SLC26A6: variants seen among roughly 807,000 people sequenced by gnomAD.
The protein encoded by SLC26A6 is solute carrier family 26 member 6, also known as anion exchange transporter.
SLC26A6 carries 67 observed loss-of-function variants against 87.1 expected under a neutral mutation model. That is an observed-to-expected ratio of 0.77 (90% CI 0.63 to 0.94). SLC26A6 has a LOEUF of 0.94. Ranked by LOEUF, SLC26A6 falls within the 40% of genes least tolerant of loss-of-function variation. SLC26A6 has a pLI of 0.00. For synonymous variants in SLC26A6, 414 were observed against 405.9 expected, an observed-to-expected ratio of 1.02 and a Z score of -0.24; for missense variants, 902 against 973.0, an observed-to-expected ratio of 0.93 and a Z score of 0.97.
At position 48,633,325 on chromosome 3, in the gene SLC26A6, C is replaced by A. The variant is rs770726528; in HGVS notation, c.248G>T (p.Arg83Leu). ...CAGGAGCCAGTCACGCACAGGATACCGGGGTAACCAGACCAAAACCGGGAG... is the reference window on the plus strand; with the variant it reads ...CAGGAGCCAGTCACGCACAGGATACAGGGGTAACCAGACCAAAACCGGGAG... ...QHLPVLVWLP[R>L]YPVRDWLLGD... The change falls in exon 3 of 21, where the codon CGG (arginine) becomes CTG (leucine). Residue 83 changes from arginine to leucine, a missense_variant. By Grantham distance (102) the Arg-to-Leu change is moderately radical. Around this residue, in one of 3 missense-constraint regions of SLC26A6, gnomAD observed 800 missense variants for 856.8 expected, o/e 0.93. Coordinates refer to ENST00000395550, the MANE Select transcript of SLC26A6 (RefSeq NM_022911.3). The A allele has an allele frequency of 3.1e-6, 5 of 1,613,598 alleles. No homozygotes were observed. The South Asian group carries it at 5.5e-5, about 18-fold the overall frequency.
rs529103799 is a variant in SLC26A6 at position 48,633,654 on chromosome 3, A to C, written c.24-19T>G. The stretch of plus-strand genomic sequence containing the variant: ...CCTCGGTCTGGGGTGGCAAGACCAG[A>C]GAGACACAGTGAAGGCATCCCTGGC... On this transcript the variant is annotated intron_variant, in intron 1 of 20. Coordinates refer to ENST00000395550, the MANE Select transcript of SLC26A6 (RefSeq NM_022911.3). The C allele has an allele frequency of 6.2e-7, 1 of 1,612,180 alleles. No individual in the cohort carries two copies. The highest frequency in any genetic ancestry group is 2.2e-5 in the East Asian group (1 of 44,874).
rs535959727 is a variant in SLC26A6, at chr3:48,630,072, C to T, written c.1412G>A (p.Arg471Gln). ...SDMRSLWKAN[R>Q]ADLLIWLVTF... ...TCCCAGTGCACTCACCAGATCCGCC[C>T]GATTGGCCTTCCAGAGGGAGCGCAT... The change falls in exon 12 of 21, where the codon CGG becomes CAG. Residue 471 changes from arginine to glutamine, a missense_variant. Arg to Gln is a conservative substitution (Grantham distance 43, BLOSUM62 1). Transcript: ENST00000395550. 669 of 1,612,316 alleles carry T rather than the reference C, an allele frequency of 4.1e-4. 6 individuals are homozygous for T. In the South Asian group the frequency reaches 5.6e-3, roughly 14 times the overall value.
intron 17 of SLC26A6, 45 bp from the exon 18 acceptor site, chr3:48,627,100 A>C (rs761178677): frequency 3.1e-6 from 5 of 1,589,926 alleles, no homozygotes; most frequent in Non-Finnish European, 3.4e-6. Context: ...GAGAGAGTGA[A>C]GGCAGGACTG....
At chr3:48,626,110 T>C (rs2046613368) in intron 20 of SLC26A6, 108 bp downstream of exon 20, 2 of 1,611,054 alleles carry the variant, frequency 1.2e-6, no homozygotes, top group Non-Finnish European at 1.7e-6. Context: ...CTGGGCCCAC[T>C]GGGGACAGAG....
Position 48,628,276 on chromosome 3 carries a change from G to C in SLC26A6, c.1800+158C>G. 4.1e-6 allele frequency: 4 copies of C among 980,540 alleles called. No individual in the cohort carries two copies. The highest frequency in any genetic ancestry group is 6.0e-6 in the Non-Finnish European group (4 of 662,572). The allele number at this position is 980,540 out of a possible 1,614,324, so 60.7% of individuals were successfully genotyped here. On this transcript the variant is annotated intron_variant, in intron 16 of 20. Coordinates refer to ENST00000395550, the MANE Select transcript of SLC26A6 (RefSeq NM_022911.3). The surrounding 1 kb of genome is among the most constrained non-coding windows in gnomAD (Gnocchi z 4.4). ...GGAGAGAAAATGCTGCCTAGAGCCC[G>C]GACCTGCTAGGGGAGTGAAGCAGGG...
intron 18 of SLC26A6, 60 bp downstream of exon 18, chr3:48,626,816 A>G: frequency 6.2e-7 from 1 of 1,605,360 alleles, no homozygotes; most frequent in Non-Finnish European, 8.5e-7. Context: ...GAGTGCTCTC[A>G]GGGCAAATTA....
chr3:48,627,038 A>C lies in SLC26A6; in HGVS notation c.1911T>G (p.Asp637Glu). The change falls in exon 18 of 21, where the codon GAT (aspartate) becomes GAG (glutamate). Residue 637 changes from aspartate (D) to glutamate (E), a missense_variant. Coordinates refer to ENST00000395550, the MANE Select transcript of SLC26A6 (RefSeq NM_022911.3). ...CATTGGCTGTTGCATCTTCCATCTTATCTCCTGAGCTCACCTGCTGGGGAG... is the reference window on the plus strand; with the variant it reads ...CATTGGCTGTTGCATCTTCCATCTTCTCTCCTGAGCTCACCTGCTGGGGAG... ...DCKMMQVSSG[D>E]KMEDATANGQ... The C allele has an allele frequency of 6.2e-7, 1 of 1,613,948 alleles. No homozygotes were observed. The highest frequency in any genetic ancestry group is 8.5e-7 in the Non-Finnish European group (1 of 1,179,914).
chr3:48,632,473 G>A (rs2046832742), intron 4 of SLC26A6, 77 bp from the exon 5 acceptor site: 3 of 1,529,944 alleles, frequency 2.0e-6, no homozygotes, highest in Non-Finnish European at 2.7e-6. Context: ...TAAGAGAGAG[G>A]CCAGGAGACT....
rs2046699178 is a variant in SLC26A6, at chr3:48,628,810, C to T, written c.1600-96G>A. ...CCTTCCCTAGTGTGCCCAGTGCCTG[C>T]CACCGCCCAGCCCTCTGCTCCCCAG... On this transcript the variant is annotated intron_variant, in intron 14 of 20. Transcript: ENST00000395550. This position sits in a 1 kb window ranked among gnomAD's most constrained non-coding sequence, Gnocchi z 4.4. 2 of 1,403,722 alleles carry T rather than the reference C, an allele frequency of 1.4e-6. No homozygotes were observed. Among genetic ancestry groups the T allele is most frequent in the Non-Finnish European group, 2.0e-6 (2 of 1,016,706 alleles). 87.0% of individuals were successfully genotyped at this position (1,403,722 alleles called of 1,614,324 possible).
chr3:48,626,451 TCCAC>T, intron 19 of SLC26A6, 97 bp from the exon 20 acceptor site: 1 of 1,570,990 alleles, frequency 6.4e-7, no homozygotes. Flanking sequence ...ACCCCTGACC[TCCAC>T]CCCTGAGGCT....
Position 48,626,644 on chromosome 3 carries a change from C to G in SLC26A6, c.2115G>C (p.Met705Ile). The G allele has an allele frequency of 3.7e-6, 6 of 1,614,194 alleles. No individual in the cohort carries two copies. Among genetic ancestry groups the G allele is most frequent in the Non-Finnish European group, 5.1e-6 (6 of 1,180,034 alleles). ...DFREIEVEVY[M>I]AACHSPVVSQ... ...CACCCTACTCACTGTGGCAGGCCGC[C>G]ATGTACACCTCCACCTCAATCTCCC... Residue 705 changes from methionine (M) to isoleucine (I), a missense_variant, in exon 19 of 21, where the codon ATG becomes ATC. Met to Ile is a conservative substitution (Grantham distance 10, BLOSUM62 1). Transcript: ENST00000395550.
At chr3:48,632,424 A>G (rs750384586) in intron 4 of SLC26A6, 28 bp from the exon 5 acceptor site, 4 of 1,593,078 alleles carry the variant, frequency 2.5e-6, no homozygotes, top group Non-Finnish European at 3.4e-6. Context: ...GGCAGGTCTG[A>G]AGAGGAGAGG....
chr3:48,629,820 C>A, intron 13 of SLC26A6, 52 bp downstream of exon 13: 1 of 1,612,220 alleles, frequency 6.2e-7, no homozygotes, highest in Non-Finnish European at 8.5e-7. Flanking sequence ...GCGGGGAGCC[C>A]TGTGGTACTC....
In SLC26A6 at chr3:48,631,815, A is replaced by C. The variant is rs139577620; in HGVS notation, c.751-14T>G. On this transcript the variant is annotated splice_polypyrimidine_tract_variant and intron_variant, in intron 6 of 20. Transcript: ENST00000395550. ...CTCCAGCACTGTCTGAGGAGAGGCC[A>C]GGTCACAGCTAGCACTCAAGGCCAT... is the stretch of plus-strand genomic sequence containing the variant. The C allele has an allele frequency of 6.5e-4, 1,051 of 1,613,366 alleles. 22 individuals are homozygous for C. The East Asian group carries it at 0.023, about 35-fold the overall frequency.
chr3:48,627,121 GAC>G, intron 17 of SLC26A6, 66 bp from the exon 18 acceptor site: 2 of 1,556,582 alleles, frequency 1.3e-6, no homozygotes, highest in Non-Finnish European at 1.7e-6. Context: ...GCCGCACACA[GAC>G]ACGCGAGAAC....
chr3:48,630,586 A>G, intron 10 of SLC26A6, 21 bp downstream of exon 10: 2 of 1,565,772 alleles, frequency 1.3e-6, no homozygotes, highest in African/African-American at 1.4e-5. Context: ...GCCCACACCC[A>G]TGCCCACACC....
chr3:48,633,329 G>A lies in SLC26A6; in HGVS notation c.244C>T (p.Pro82Ser), dbSNP rs772068144. The A allele has an allele frequency of 2.5e-6, 4 of 1,613,488 alleles. No individual in the cohort carries two copies. The East Asian group carries it at 8.9e-5, about 36-fold the overall frequency. Reference sequence around the variant, plus strand: ...AGCCAGTCACGCACAGGATACCGGGGTAACCAGACCAAAACCGGGAGGTGT... The same window carrying A: ...AGCCAGTCACGCACAGGATACCGGGATAACCAGACCAAAACCGGGAGGTGT... Reference protein sequence around the residue: ...LQHLPVLVWLPRYPVRDWLLG... With the variant: ...LQHLPVLVWLSRYPVRDWLLG... The change falls in exon 3 of 21, where the codon CCC (proline) becomes TCC (serine). Residue 82 changes from proline to serine, a missense_variant. Pro to Ser is a moderately conservative substitution (Grantham distance 74). This residue lies in a region of SLC26A6 where 800 missense variants were observed against 856.8 expected (regional missense o/e 0.93). Coordinates refer to ENST00000395550, the MANE Select transcript of SLC26A6 (RefSeq NM_022911.3).
intron 4 of SLC26A6, 91 bp downstream of exon 4, chr3:48,632,883 A>C: frequency 1.5e-6 from 2 of 1,302,036 alleles, no homozygotes; most frequent in Non-Finnish European, 2.2e-6. Context: ...CCTCTTCCCC[A>C]GCCGCTCCTG....
In SLC26A6 at chr3:48,635,418, C is replaced by A. The variant is rs374442175; in HGVS notation, c.-25G>T. On this transcript the variant is annotated 5_prime_UTR_variant, in exon 1 of 21. Transcript: ENST00000395550. ...TGGCTCGCAAGTTGTCCGGTGCGGGCTGCTCCTGCTGCTCGAGCTAGAGGC... is the reference window on the plus strand; with the variant it reads ...TGGCTCGCAAGTTGTCCGGTGCGGGATGCTCCTGCTGCTCGAGCTAGAGGC... 13 of 1,570,788 alleles carry A rather than the reference C, an allele frequency of 8.3e-6. No individual in the cohort carries two copies. The highest frequency in any genetic ancestry group is 2.4e-5 in the East Asian group (1 of 42,264).
Sources: allele counts gnomAD v4.1 joint callset, GRCh38; gene constraint gnomAD v4.1.1; regional missense constraint gnomAD v4.1.1; non-coding constraint Gnocchi (gnomAD v3.1); transcripts MANE v1.5; gene names NCBI Gene and HGNC (gene_info 2026-07-23, HGNC 2026-07-21).